WASHC4: variants seen among roughly 807,000 people sequenced by gnomAD.
WASHC4 encodes WASH complex subunit 4, also known as WASH complex subunit 7.
A neutral mutation model predicts 166.6 loss-of-function variants in WASHC4; 86 were observed. The ratio of observed to expected loss-of-function variants is 0.52; its 90% CI spans 0.43 to 0.62. WASHC4 has a LOEUF of 0.62. WASHC4 is among the 20% of genes least tolerant of loss of function. WASHC4 has a pLI of 0.00. For synonymous variants in WASHC4, 446 were observed against 451.6 expected (o/e 0.99, Z 0.16); for missense variants, 1,262 against 1,382.4 (o/e 0.91, Z 1.38).
intron 1 of WASHC4, among the ~76,000 whole-genome samples, chr12:105,108,467 G>GT (rs1879302854): frequency 6.6e-6 from 1 of 152,118 alleles, no homozygotes; most frequent in African/African-American, 2.4e-5. Flanking sequence ...ATATTTTTCA[G>GT]TGATGTTCTG....
chr12:105,115,045 A>G (rs1880052205), intron 4 of WASHC4, 139 bp from the exon 5 acceptor site: 1 of 583,572 alleles, frequency 1.7e-6, no homozygotes, highest in Non-Finnish European at 3.1e-6. Context: ...TGCTTTATAA[A>G]CAGATTTTGA....
chr12:105,132,748 T>C (rs1197241963), intron 13 of WASHC4, among the ~76,000 whole-genome samples: 1 of 151,682 alleles, frequency 6.6e-6, no homozygotes, highest in Non-Finnish European at 1.5e-5. Flanking sequence ...GAGGTTGTAG[T>C]ACCTGCCTCA....
At chr12:105,125,135 C>T (rs993498817) in intron 10 of WASHC4, among the ~76,000 whole-genome samples, 1 of 152,170 alleles carries the variant, frequency 6.6e-6, no homozygotes, top group African/African-American at 2.4e-5. Flanking sequence ...TTATGTTTTA[C>T]ATGATCACAG....
At chr12:105,122,261 G>C in intron 10 of WASHC4, 23 bp downstream of exon 10, 1 of 1,608,448 alleles carries the variant, frequency 6.2e-7, no homozygotes, top group Admixed American at 1.7e-5. Context: ...GTATCAGACT[G>C]TAACAGTGGG....
chr12:105,160,023 G>A lies in WASHC4; in HGVS notation c.2935G>A (p.Asp979Asn), dbSNP rs771940177. The A allele has an allele frequency of 1.9e-6, 3 of 1,613,864 alleles. No homozygotes were observed. The highest frequency in any genetic ancestry group is 2.2e-5 in the South Asian group (2 of 91,074). Residue 979 changes from aspartate (D) to asparagine (N), a missense_variant, in exon 29 of 33, where the codon GAT becomes AAT. Physicochemically the swap from Asp to Asn is conservative, Grantham distance 23 (BLOSUM62 1). Coordinates refer to ENST00000332180, the MANE Select transcript of WASHC4 (RefSeq NM_015275.3). ...TAGGCATTTGGATTCAGTCCTCAGT[G>A]ATCACACACGAAATTCTGCCGAAGG... ...AARHLDSVLS[D>N]HTRNSAEGTE...
At position 105,157,216 on chromosome 12, in the gene WASHC4, C is replaced by T; in HGVS notation, c.2826-20C>T. 1 of 1,275,736 alleles carries T rather than the reference C, an allele frequency of 7.8e-7. No homozygotes were observed. Among genetic ancestry groups the T allele is most frequent in the Non-Finnish European group, 1.1e-6 (1 of 875,872 alleles). 79.0% of individuals were successfully genotyped at this position (1,275,736 alleles called of 1,614,324 possible). A position where few individuals can be genotyped will look rare whatever the true frequency, so the allele number is the denominator to read the frequency against. On this transcript the variant is annotated intron_variant, in intron 27 of 32. Transcript: ENST00000332180. ...ATATTTTACTTGACCTAATAAATGC[C>T]TTCCCAAATTCTTATGTAGATTTGT...
Position 105,115,202 on chromosome 12 carries a change from A to G in WASHC4, c.340A>G (p.Asn114Asp). The stretch of plus-strand genomic sequence containing the variant: ...AAAACAGGCTGAAACTAAATTTTAC[A>G]ATGGTCTCTTGTTTTATGGAGAAGG... ...LKYEAETKFYNGLLFYGEGAT... is the reference protein window; with the variant it reads ...LKYEAETKFYDGLLFYGEGAT... The change falls in exon 5 of 33, where the codon AAT becomes GAT. Residue 114 changes from asparagine (N) to aspartate (D), a missense_variant. Transcript: ENST00000332180. 6.4e-7 allele frequency: 1 copy of G among 1,556,520 alleles called. No individual in the cohort carries two copies. Among genetic ancestry groups the G allele is most frequent in the Non-Finnish European group, 8.9e-7 (1 of 1,128,818 alleles).
Position 105,144,863 on chromosome 12 carries a change from T to A in WASHC4, c.2325T>A (p.Thr775=). The change falls in exon 22 of 33, where the codon ACT becomes ACA. Residue 775 remains threonine (T), a synonymous_variant. Coordinates refer to ENST00000332180, the MANE Select transcript of WASHC4 (RefSeq NM_015275.3). The stretch of plus-strand genomic sequence containing the variant: ...CAGAGGCACATCTTCCCAGTCAGAC[T>A]TTGGAACAGGTATAGTATAAAATGT... ...VMTEAHLPSQ[T]LEQGLDVLEI... is the part of the protein sequence containing the mutation. 6.2e-7 allele frequency: 1 copy of A among 1,612,514 alleles called. No homozygotes were observed. The highest frequency in any genetic ancestry group is 8.5e-7 in the Non-Finnish European group (1 of 1,179,308).
At chr12:105,115,113 A>C in intron 4 of WASHC4, 71 bp from the exon 5 acceptor site, 1 of 781,286 alleles carries the variant, frequency 1.3e-6, no homozygotes, top group South Asian at 1.4e-5. Context: ...AAGTATACAG[A>C]TCTAAGAGAG....
chr12:105,119,966 C>T (rs1880569972), intron 7 of WASHC4, among the ~76,000 whole-genome samples: 2 of 152,114 alleles, frequency 1.3e-5, no homozygotes, highest in Non-Finnish European at 2.9e-5. Context: ...CGCGGTGGCT[C>T]ATGCCTGTAA....
rs546826662 is a variant in WASHC4, at chr12:105,148,610, A to T, written c.2515-1005A>T. On this transcript the variant is annotated intron_variant, in intron 24 of 32. Transcript: ENST00000332180. ...AAAAGACTGTTAAAGAGATTTTTTT[A>T]AAAATGCAAAGAAACAGAAAAAACA... The T allele has an allele frequency of 9.0e-5, 89 of 985,260 alleles. 1 individual carries two copies. The South Asian group carries it at 2.4e-3, about 27-fold the overall frequency. The allele number at this position is 985,260 out of a possible 1,614,324, so 61.0% of individuals were successfully genotyped here.
chr12:105,166,782 C>T (rs912076270), intron 32 of WASHC4, 82 bp from the exon 33 acceptor site: 43 of 952,832 alleles, frequency 4.5e-5, no homozygotes, highest in Middle Eastern at 2.1e-4. Context: ...CAATACAGCT[C>T]TTCTCAAATT....
intron 10 of WASHC4, among the ~76,000 whole-genome samples, chr12:105,123,588 G>A (rs1482904895): frequency 2.0e-5 from 3 of 152,168 alleles, no homozygotes; most frequent in South Asian, 2.1e-4. Context: ...AGAGAGGTGG[G>A]GAAGCTGTAG....
At chr12:105,117,809 G>A (rs938676628) in intron 6 of WASHC4, among the ~76,000 whole-genome samples, 1 of 152,144 alleles carries the variant, frequency 6.6e-6, no homozygotes, top group African/African-American at 2.4e-5. Flanking sequence ...TGTTTCTATA[G>A]GTTTAAAAGT....
At chr12:105,132,541 A>T (rs529123855) in intron 13 of WASHC4, among the ~76,000 whole-genome samples, 36 of 152,240 alleles carry the variant, frequency 2.4e-4, no homozygotes, top group Non-Finnish European at 5.0e-4. Flanking sequence ...CCCATCTGGA[A>T]TGAGACTGAG....
chr12:105,162,894 A>G, intron 30 of WASHC4, 49 bp downstream of exon 30: 2 of 919,970 alleles, frequency 2.2e-6, no homozygotes, highest in Non-Finnish European at 3.5e-6. Context: ...TGACCTTGTA[A>G]TGGATTCTTA....
intron 28 of WASHC4, among the ~76,000 whole-genome samples, chr12:105,157,532 A>G (rs1263216071): frequency 1.3e-5 from 2 of 152,208 alleles, no homozygotes; most frequent in Admixed American, 6.5e-5. Context: ...CTAGCCACAC[A>G]TGGCTCTTGA....
chr12:105,159,996 T>C lies in WASHC4; in HGVS notation c.2913-5T>C, dbSNP rs374051755. On this transcript the variant is annotated splice_region_variant and splice_polypyrimidine_tract_variant and intron_variant, in intron 28 of 32. Transcript: ENST00000332180. ...AAAGGAACCAAATAATTTTTTGCTT[T>C]TTAGGCATTTGGATTCAGTCCTCAG... The C allele has an allele frequency of 6.3e-5, 102 of 1,613,908 alleles. No homozygotes were observed. In the African/African-American group the frequency reaches 1.2e-3, roughly 19 times the overall value.
intron 6 of WASHC4, among the ~76,000 whole-genome samples, chr12:105,116,703 A>G (rs1880216982): frequency 6.6e-6 from 1 of 152,230 alleles, no homozygotes; most frequent in African/African-American, 2.4e-5. Context: ...GTATCCCATA[A>G]CATGTTGTAT....
Sources: gnomAD v4.1 joint callset for allele counts (sites outside exome capture counted in the v4.1 genomes callset) on GRCh38, gnomAD v4.1.1 for gene constraint, MANE v1.5 for transcripts, NCBI Gene and HGNC (gene_info 2026-07-23, HGNC 2026-07-21) for gene names.